Variants in XKR4 observed in about 807,000 individuals in gnomAD.
The protein encoded by XKR4 is XK-related protein 4.
In XKR4, 12 loss-of-function variants were observed where a neutral mutation model predicts 53.9. The observed-to-expected ratio is 0.22, with a 90% CI of 0.14 to 0.36. The LOEUF is 0.36. Among genes scored for constraint, XKR4 ranks in the 10% least tolerant of loss-of-function variants. The pLI is 1.00. For missense variants in XKR4, 799 were observed against 859.5 expected, an observed-to-expected ratio of 0.93 and a Z score of 0.88; for synonymous variants, 354 against 362.4, an observed-to-expected ratio of 0.98 and a Z score of 0.26.
At chr8:55,522,166 C>T (rs982088241) in intron 2 of XKR4, among the ~76,000 whole-genome samples, 4 of 152,134 alleles carry the variant, frequency 2.6e-5, no homozygotes, top group Non-Finnish European at 5.9e-5. Flanking sequence ...TGAACTGTGC[C>T]ATACAGGAGG....
chr8:55,359,932 G>A (rs1002739537), intron 2 of XKR4, among the ~76,000 whole-genome samples: 1 of 152,122 alleles, frequency 6.6e-6, no homozygotes, highest in African/African-American at 2.4e-5. Flanking sequence ...CCAGCTAACC[G>A]ATTAAGCTTG....
In XKR4 at chr8:55,418,179, C is replaced by T. The variant is rs540845646; in HGVS notation, c.1006+60302C>T. On this transcript the variant is annotated intron_variant, in intron 2 of 2. Coordinates refer to ENST00000327381, the MANE Select transcript of XKR4 (RefSeq NM_052898.2). ...GGGGTGAGACTTCCTATCTACACCT[C>T]GAGTGGCCATTGGATTAGACACAGG... Among the ~76,000 whole-genome samples the T allele has an allele frequency of 1.6e-4, 25 of 152,204 alleles. No homozygotes were observed. In the South Asian group the frequency reaches 4.4e-3, roughly 27 times the overall value.
chr8:55,472,797 AG>A (rs1221365873), intron 2 of XKR4, among the ~76,000 whole-genome samples: 2 of 152,094 alleles, frequency 1.3e-5, no homozygotes, highest in African/African-American at 4.8e-5. Flanking sequence ...AGTATTCTGA[AG>A]AATAATGGGG....
intron 1 of XKR4, among the ~76,000 whole-genome samples, chr8:55,257,466 A>AG (rs1294372211): frequency 4.0e-5 from 6 of 151,286 alleles, no homozygotes; most frequent in East Asian, 3.9e-4. Flanking sequence ...GAGAGAGAGA[A>AG]AGAGAGAGAA....
chr8:55,188,671 A>T (rs1379488670), intron 1 of XKR4, among the ~76,000 whole-genome samples: 1 of 152,188 alleles, frequency 6.6e-6, no homozygotes, highest in Non-Finnish European at 1.5e-5. Flanking sequence ...TTTTGGGTCT[A>T]GGGTCAAACT....
In XKR4 at chr8:55,195,251, A is replaced by C. The variant is rs561238109; in HGVS notation, c.806+91957A>C. On this transcript the variant is annotated intron_variant, in intron 1 of 2. Coordinates refer to ENST00000327381, the MANE Select transcript of XKR4 (RefSeq NM_052898.2). ...ATTAATGTTAATAATTATCTATCAA[A>C]AATATAACGTTTATGTTTTTGATGA... is the stretch of plus-strand genomic sequence containing the variant. Among the ~76,000 whole-genome samples, 103 of 121,964 alleles carry C rather than the reference A, an allele frequency of 8.4e-4. 9 individuals carry two copies. The highest frequency in any genetic ancestry group is 2.9e-3 in the African/African-American group (101 of 34,908). 80.0% of individuals were successfully genotyped at this position (121,964 alleles called of 152,430 possible). A position where few individuals can be genotyped will look rare whatever the true frequency, so the allele number is the denominator to read the frequency against.
At chr8:55,301,766 A>G (rs1396120174) in intron 1 of XKR4, among the ~76,000 whole-genome samples, 3 of 152,104 alleles carry the variant, frequency 2.0e-5, no homozygotes, top group African/African-American at 7.2e-5. Flanking sequence ...ACATTTTTTC[A>G]TGTGTCTTTT....
intron 2 of XKR4, among the ~76,000 whole-genome samples, chr8:55,429,492 T>C (rs1383596086): frequency 2.0e-5 from 3 of 152,078 alleles, no homozygotes; most frequent in African/African-American, 7.2e-5. Flanking sequence ...GAGAATTGCT[T>C]GAGGCCAGCA....
At chr8:55,482,395 A>T (rs1169521402) in intron 2 of XKR4, among the ~76,000 whole-genome samples, 3 of 151,876 alleles carry the variant, frequency 2.0e-5, no homozygotes, top group Non-Finnish European at 2.9e-5. Flanking sequence ...GGGGACTGTT[A>T]TGGGGTCGGG....
chr8:55,315,741 C>T (rs930996306), intron 1 of XKR4, among the ~76,000 whole-genome samples: 2 of 152,140 alleles, frequency 1.3e-5, no homozygotes, highest in Non-Finnish European at 1.5e-5. Context: ...TCTAGAAAAC[C>T]CCCAAGGTGT....
chr8:55,342,637 C>T (rs1466437269), intron 1 of XKR4, among the ~76,000 whole-genome samples: 1 of 152,108 alleles, frequency 6.6e-6, no homozygotes, highest in East Asian at 1.9e-4. Flanking sequence ...ACCTCAACGC[C>T]TCCTGTTCAT....
chr8:55,281,798 A>G (rs1463012378), intron 1 of XKR4, among the ~76,000 whole-genome samples: 1 of 152,194 alleles, frequency 6.6e-6, no homozygotes, highest in East Asian at 1.9e-4. Flanking sequence ...TCCCCCATAT[A>G]CCAGGAAAGA....
At chr8:55,451,419 G>C in intron 2 of XKR4, 4 of 1,116,512 alleles carry the variant, frequency 3.6e-6, no homozygotes. Context: ...CACTGGAGTA[G>C]CGGGGCATGG....
At chr8:55,105,432 AT>A (rs1816128896) in intron 1 of XKR4, among the ~76,000 whole-genome samples, 1 of 152,186 alleles carries the variant, frequency 6.6e-6, no homozygotes, top group Admixed American at 6.5e-5. Context: ...AGACAAATGT[AT>A]TAACTGACCC....
intron 1 of XKR4, among the ~76,000 whole-genome samples, chr8:55,114,780 T>C (rs1209006661): frequency 6.6e-6 from 1 of 152,250 alleles, no homozygotes; most frequent in Non-Finnish European, 1.5e-5. Flanking sequence ...GCAACTCATC[T>C]GCTAAACCAC....
At chr8:55,277,423 G>T (rs928486190) in intron 1 of XKR4, among the ~76,000 whole-genome samples, 4 of 152,156 alleles carry the variant, frequency 2.6e-5, no homozygotes, top group South Asian at 2.1e-4. Flanking sequence ...TTCCATTTTT[G>T]AATTTTTTCA....
At chr8:55,357,361 G>A (rs1585536577) in intron 1 of XKR4, among the ~76,000 whole-genome samples, 1 of 152,212 alleles carries the variant, frequency 6.6e-6, no homozygotes, top group Admixed American at 6.5e-5. Context: ...TGACAAAAAA[G>A]AATGTATGTA....
chr8:55,385,742 T>C (rs191443816), intron 2 of XKR4, among the ~76,000 whole-genome samples: 1 of 152,278 alleles, frequency 6.6e-6, no homozygotes, highest in East Asian at 1.9e-4. Context: ...GTCTCACCTT[T>C]TAGAAAGTAC....
intron 1 of XKR4, among the ~76,000 whole-genome samples, chr8:55,257,432 G>A (rs1291145226): frequency 1.3e-5 from 2 of 151,982 alleles, no homozygotes; most frequent in Admixed American, 1.3e-4. Context: ...GAGAGGAAGG[G>A]ACGAGGGGAG....
Sources: allele counts gnomAD v4.1 joint callset (sites outside exome capture counted in the v4.1 genomes callset), GRCh38; gene constraint gnomAD v4.1.1; transcripts MANE v1.5; gene names NCBI Gene and HGNC (gene_info 2026-07-23, HGNC 2026-07-21).